The following DAB1 variants were observed in gnomAD, a reference collection of about 807,000 sequenced individuals.
DAB1 encodes DAB adaptor protein 1, also known as disabled homolog 1.
Under a neutral mutation model 64.6 loss-of-function variants are expected in DAB1, and 15 were observed. The ratio of observed to expected loss-of-function variants is 0.23; its 90% CI spans 0.16 to 0.36. The LOEUF (loss-of-function observed/expected upper bound fraction) is 0.36, where lower values mean the gene tolerates loss of function less well. Among genes scored for constraint, DAB1 ranks in the 10% least tolerant of loss-of-function variants. The pLI is 1.00. For synonymous variants in DAB1, 235 were observed against 251.9 expected (o/e 0.93, Z 0.64); for missense variants, 596 against 706.7 (o/e 0.84, Z 1.78).
chr1:58,533,582 C>A (rs1016181811), intron 1 of DAB1, among the ~76,000 whole-genome samples: 6 of 152,074 alleles, frequency 3.9e-5, no homozygotes, highest in Non-Finnish European at 7.4e-5. Flanking sequence ...AGATGATTTA[C>A]CCACTTAAAT....
intron 1 of DAB1, among the ~76,000 whole-genome samples, chr1:57,381,904 T>G (rs567133102): frequency 6.0e-4 from 92 of 152,312 alleles, no homozygotes; most frequent in Non-Finnish European, 1.1e-3. Context: ...TGGGGTGACC[T>G]GAATCTGATG....
chr1:57,490,512 G>A (rs1298775960), intron 7 of DAB1, among the ~76,000 whole-genome samples: 5 of 150,984 alleles, frequency 3.3e-5, no homozygotes, highest in Non-Finnish European at 7.4e-5. Context: ...TAATTCTCTA[G>A]GATTTTTATG....
intron 2 of DAB1, among the ~76,000 whole-genome samples, chr1:57,159,662 C>T (rs1660552969): frequency 6.6e-6 from 1 of 152,070 alleles, no homozygotes. Flanking sequence ...CCACCCCCAA[C>T]ACACATATGC....
chr1:58,250,522 A>C (rs993952375), intron 4 of DAB1, among the ~76,000 whole-genome samples: 10 of 152,192 alleles, frequency 6.6e-5, no homozygotes, highest in Admixed American at 3.9e-4. Context: ...TCTGCAGGCC[A>C]CATCTTTCAT....
intron 3 of DAB1, among the ~76,000 whole-genome samples, chr1:58,372,673 T>A (rs1644276422): frequency 6.6e-6 from 1 of 152,230 alleles, no homozygotes; most frequent in Non-Finnish European, 1.5e-5. Context: ...AATCCCCACA[T>A]GCCGAGGGAG....
chr1:57,450,282 A>T (rs1284046565), intron 7 of DAB1, among the ~76,000 whole-genome samples: 1 of 152,228 alleles, frequency 6.6e-6, no homozygotes, highest in African/African-American at 2.4e-5. Context: ...AGAGGGGCAA[A>T]GAAGAGGGTA....
At chr1:57,330,367 C>T (rs1676552753) in intron 1 of DAB1, among the ~76,000 whole-genome samples, 2 of 152,204 alleles carry the variant, frequency 1.3e-5, no homozygotes, top group Non-Finnish European at 1.5e-5. Flanking sequence ...CGTACCCAGG[C>T]TCCTGGAAGC....
chr1:57,046,915 G>C (rs1318716906), intron 9 of DAB1, among the ~76,000 whole-genome samples: 3 of 152,196 alleles, frequency 2.0e-5, no homozygotes, highest in Non-Finnish European at 2.9e-5. Context: ...GGTCTCAGAG[G>C]CAGTTTGGCC....
At chr1:58,182,033 C>A (rs538348) in intron 4 of DAB1, among the ~76,000 whole-genome samples, 119,447 of 151,862 alleles carry the variant, frequency 0.79, 47,689 homozygotes, top group South Asian at 0.87. Context: ...TATCTTTGTG[C>A]AGAATAGTTT....
intron 7 of DAB1, among the ~76,000 whole-genome samples, chr1:57,564,426 G>A (rs967170418): frequency 6.6e-5 from 10 of 152,194 alleles, no homozygotes; most frequent in African/African-American, 2.4e-4. Flanking sequence ...ACAGAACAAA[G>A]CTGGATGGAA....
At chr1:58,194,671 G>A (rs868633694) in intron 4 of DAB1, among the ~76,000 whole-genome samples, 7 of 152,248 alleles carry the variant, frequency 4.6e-5, no homozygotes, top group Middle Eastern at 3.4e-3. Flanking sequence ...GTGCTAAATG[G>A]CACTTTTATA....
chr1:58,282,002 T>C (rs1427907342), intron 4 of DAB1, among the ~76,000 whole-genome samples: 1 of 152,114 alleles, frequency 6.6e-6, no homozygotes, highest in Non-Finnish European at 1.5e-5. Context: ...CTCATCATCC[T>C]CATCTTTGTA....
At chr1:57,605,915 CA>C in intron 7 of DAB1, 1 of 684,160 alleles carries the variant, frequency 1.5e-6, no homozygotes. Context: ...ATCTGCTTAA[CA>C]ATCTCAGAAG....
chr1:58,487,748 T>A (rs1436347473), intron 3 of DAB1, among the ~76,000 whole-genome samples: 1 of 152,202 alleles, frequency 6.6e-6, no homozygotes, highest in African/African-American at 2.4e-5. Context: ...CTAGCTATAA[T>A]TTCTACTCCT....
At chr1:58,517,377 T>C (rs1327977778) in intron 2 of DAB1, among the ~76,000 whole-genome samples, 2 of 152,228 alleles carry the variant, frequency 1.3e-5, no homozygotes, top group South Asian at 2.1e-4. Flanking sequence ...GAATAAGCCA[T>C]TGTTTCTCTT....
intron 1 of DAB1, among the ~76,000 whole-genome samples, chr1:57,852,857 A>C (rs1011228339): frequency 4.6e-5 from 7 of 152,150 alleles, no homozygotes; most frequent in Admixed American, 1.3e-4. Flanking sequence ...AGGGTAGAGA[A>C]TACTGACTGT....
chr1:57,912,599 C>T (rs956721502), intron 5 of DAB1, among the ~76,000 whole-genome samples: 6 of 152,232 alleles, frequency 3.9e-5, no homozygotes, highest in East Asian at 1.9e-4. Flanking sequence ...CCAGGGCAAT[C>T]AGGCAGGAGA....
chr1:57,789,804 A>G (rs555838193), intron 6 of DAB1, among the ~76,000 whole-genome samples: 2 of 152,328 alleles, frequency 1.3e-5, no homozygotes, highest in East Asian at 3.9e-4. Context: ...TCTGTGGTTC[A>G]GAAGTCACAG....
At chr1:58,109,767 A>C (rs1287545064) in intron 5 of DAB1, among the ~76,000 whole-genome samples, 1 of 151,464 alleles carries the variant, frequency 6.6e-6, no homozygotes, top group Non-Finnish European at 1.5e-5. Context: ...TATAGTAAAC[A>C]AAGTGAGGTG....
Sources: allele counts gnomAD v4.1 joint callset (sites outside exome capture counted in the v4.1 genomes callset), GRCh38; gene constraint gnomAD v4.1.1; transcripts MANE v1.5; gene names NCBI Gene and HGNC (gene_info 2026-07-23, HGNC 2026-07-21).